SPATA17: variants seen among roughly 807,000 people sequenced by gnomAD.
SPATA17 encodes spermatogenesis-associated protein 17.
Under a neutral mutation model 62.2 loss-of-function variants are expected in SPATA17, and 53 were observed. The observed-to-expected ratio is 0.85, with a 90% CI of 0.68 to 1.07. SPATA17 has a LOEUF of 1.07. SPATA17 is among the 50% of genes least tolerant of loss of function. The pLI, the probability that SPATA17 is intolerant of heterozygous loss-of-function variation, is 0.00. For synonymous variants in SPATA17, 146 were observed against 146.8 expected (o/e 0.99, Z 0.04); for missense variants, 466 against 425.5 (o/e 1.10, Z -0.84).
intron 5 of SPATA17, among the ~76,000 whole-genome samples, chr1:217,702,963 A>G (rs1169692326): frequency 1.4e-5 from 2 of 148,122 alleles, no homozygotes; most frequent in East Asian, 4.0e-4. Flanking sequence ...TACAACTTCC[A>G]TCTCCCGTGT....
intron 4 of SPATA17, among the ~76,000 whole-genome samples, chr1:217,674,930 A>G (rs1417825790): frequency 5.9e-5 from 9 of 152,152 alleles, no homozygotes; most frequent in African/African-American, 1.9e-4. Context: ...GGAAAAGGCA[A>G]TATTTGACTG....
chr1:217,631,935 C>A (rs1029130745), intron 1 of SPATA17, among the ~76,000 whole-genome samples: 28 of 152,286 alleles, frequency 1.8e-4, no homozygotes, highest in African/African-American at 6.3e-4. Flanking sequence ...GTAATCCCAG[C>A]ACTTTGGGAG....
At chr1:217,786,826 T>TTCTTCTTCTTC in intron 8 of SPATA17, among the ~76,000 whole-genome samples, 2 of 144,722 alleles carry the variant, frequency 1.4e-5, no homozygotes, top group Admixed American at 7.0e-5. Context: ...CTGTATAATC[T>TTCTTCTTCTTC]TTGAATGGAT....
At chr1:217,785,448 G>A (rs1462232021) in intron 8 of SPATA17, among the ~76,000 whole-genome samples, 1 of 152,076 alleles carries the variant, frequency 6.6e-6, no homozygotes, top group Non-Finnish European at 1.5e-5. Context: ...ATCGTGGCAG[G>A]AGACAGAGAG....
chr1:217,667,563 G>A (rs945234927), intron 3 of SPATA17, among the ~76,000 whole-genome samples: 2 of 152,014 alleles, frequency 1.3e-5, no homozygotes, highest in Non-Finnish European at 2.9e-5. Flanking sequence ...AGTTGTTCAC[G>A]GCCACACAGC....
intron 4 of SPATA17, among the ~76,000 whole-genome samples, chr1:217,675,940 T>C (rs1420496416): frequency 1.3e-5 from 2 of 152,288 alleles, no homozygotes; most frequent in South Asian, 4.1e-4. Context: ...AGAACAACTA[T>C]ACTGACCTAG....
intron 9 of SPATA17, among the ~76,000 whole-genome samples, chr1:217,817,264 T>C (rs986887766): frequency 6.6e-6 from 1 of 152,088 alleles, no homozygotes; most frequent in East Asian, 1.9e-4. Context: ...GTTCCCATAA[T>C]CCTCAACTGT....
At chr1:217,767,614 T>C (rs1392005857) in intron 6 of SPATA17, among the ~76,000 whole-genome samples, 3 of 152,166 alleles carry the variant, frequency 2.0e-5, no homozygotes. Context: ...TATCCTCAAG[T>C]TCAGAGATTC....
At chr1:217,860,991 G>A (rs1033262134) in intron 9 of SPATA17, among the ~76,000 whole-genome samples, 12 of 151,562 alleles carry the variant, frequency 7.9e-5, no homozygotes, top group African/African-American at 1.2e-4. Flanking sequence ...TTTCTGTAGC[G>A]ATTGTTCTAG....
chr1:217,651,321 T>A (rs1478326030), intron 3 of SPATA17, 143 bp downstream of exon 3: 2 of 597,224 alleles, frequency 3.3e-6, no homozygotes, highest in African/African-American at 3.8e-5. Context: ...ATTTTTAGTA[T>A]GAGACCTATT....
At chr1:217,739,389 CA>C (rs1672579147) in intron 5 of SPATA17, 1 of 152,124 alleles carries the variant, frequency 6.6e-6, no homozygotes, top group Admixed American at 6.5e-5. Flanking sequence ...ATTTGTTAAT[CA>C]CAGTAGGTCA....
chr1:217,753,442 G>A (rs1019522437), intron 6 of SPATA17, among the ~76,000 whole-genome samples: 4 of 151,996 alleles, frequency 2.6e-5, no homozygotes, highest in East Asian at 1.9e-4. Flanking sequence ...CTGAAGCACC[G>A]AATTTTCTTT....
At chr1:217,782,570 T>C (rs1673755906) in intron 8 of SPATA17, among the ~76,000 whole-genome samples, 1 of 152,110 alleles carries the variant, frequency 6.6e-6, no homozygotes, top group Non-Finnish European at 1.5e-5. Flanking sequence ...AAATGATCAC[T>C]ATCTATGTAT....
In SPATA17 at chr1:217,760,720, A is replaced by T. The variant is rs116842961; in HGVS notation, c.520-13614A>T. 1.1e-3 allele frequency among the ~76,000 whole-genome samples: 167 copies of T among 152,292 alleles called. 2 individuals are homozygous for T. The East Asian group carries it at 0.031, about 28-fold the overall frequency. On this transcript the variant is annotated intron_variant, in intron 6 of 10. Coordinates refer to ENST00000366933, the MANE Select transcript of SPATA17 (RefSeq NM_138796.4). Reference sequence around the variant, plus strand: ...TATTACATTTTCTTTAACAAAAGAAAATTTTCGTTCACTTGTCTAGTTCTG... The same window carrying T: ...TATTACATTTTCTTTAACAAAAGAATATTTTCGTTCACTTGTCTAGTTCTG...
At chr1:217,750,090 A>G (rs1157980519) in intron 6 of SPATA17, among the ~76,000 whole-genome samples, 2 of 146,972 alleles carry the variant, frequency 1.4e-5, no homozygotes, top group African/African-American at 2.5e-5. Flanking sequence ...GAAGAGGAGA[A>G]ACATGTTACA....
chr1:217,696,838 A>G (rs2102916139), intron 5 of SPATA17, among the ~76,000 whole-genome samples: 1 of 152,268 alleles, frequency 6.6e-6, no homozygotes, highest in East Asian at 1.9e-4. Context: ...CTACTGATCT[A>G]GAACCACTCT....
intron 6 of SPATA17, among the ~76,000 whole-genome samples, chr1:217,743,825 T>C (rs71645500): frequency 6.6e-6 from 1 of 152,110 alleles, no homozygotes; most frequent in African/African-American, 2.4e-5. Context: ...GTCAGGCTGG[T>C]CTTGATCTCC....
intron 5 of SPATA17, among the ~76,000 whole-genome samples, chr1:217,718,998 GA>G (rs1672066067): frequency 6.6e-6 from 1 of 152,202 alleles, no homozygotes; most frequent in African/African-American, 2.4e-5. Flanking sequence ...AAAGAAGCCA[GA>G]AGCCTGCAAT....
At chr1:217,760,270 G>T (rs1673141012) in intron 6 of SPATA17, among the ~76,000 whole-genome samples, 2 of 151,964 alleles carry the variant, frequency 1.3e-5, no homozygotes, top group South Asian at 2.1e-4. Context: ...TGAATTTTCT[G>T]GGCCTTCTAC....
Sources: gnomAD v4.1 joint callset for allele counts (sites outside exome capture counted in the v4.1 genomes callset) on GRCh38, gnomAD v4.1.1 for gene constraint, MANE v1.5 for transcripts, NCBI Gene and HGNC (gene_info 2026-07-23, HGNC 2026-07-21) for gene names.